CACNA1C: variants seen among roughly 807,000 people sequenced by gnomAD.
The protein encoded by CACNA1C is calcium voltage-gated channel subunit alpha1 C.
A neutral mutation model predicts 229.0 loss-of-function variants in CACNA1C; 30 were observed. The observed-to-expected ratio is 0.13, with a 90% CI of 0.10 to 0.18. CACNA1C has a LOEUF of 0.18. CACNA1C is among the 10% of genes least tolerant of loss of function. The pLI is 1.00. For synonymous variants in CACNA1C, 1,114 were observed against 1,132.5 expected (o/e 0.98, Z 0.33); for missense variants, 1,658 against 2,845.0 (o/e 0.58, Z 9.49).
At chr12:2,380,922 C>G (rs2098226377) in intron 3 of CACNA1C, among the ~76,000 whole-genome samples, 1 of 152,198 alleles carries the variant, frequency 6.6e-6, no homozygotes, top group Non-Finnish European at 1.5e-5. Flanking sequence ...ACGGAAGGTG[C>G]AACCTCCTTC....
At chr12:2,418,601 A>T (rs577820865) in intron 3 of CACNA1C, among the ~76,000 whole-genome samples, 1 of 151,968 alleles carries the variant, frequency 6.6e-6, no homozygotes, top group Non-Finnish European at 1.5e-5. Flanking sequence ...GTTATGTTCC[A>T]GTTATGCACC....
chr12:2,032,136 G>C (rs557980640), intron 1 of CACNA1C, among the ~76,000 whole-genome samples: 1 of 152,212 alleles, frequency 6.6e-6, no homozygotes, highest in African/African-American at 2.4e-5. Flanking sequence ...CGGCAGTCTC[G>C]GTAACCGGAG....
intron 1 of CACNA1C, among the ~76,000 whole-genome samples, chr12:1,981,142 T>C (rs1159722396): frequency 6.6e-6 from 1 of 152,152 alleles, no homozygotes; most frequent in Non-Finnish European, 1.5e-5. Flanking sequence ...TAGGAACTTG[T>C]AGGTAAATGT....
intron 3 of CACNA1C, among the ~76,000 whole-genome samples, chr12:2,182,131 C>CAA (rs56365126): frequency 8.3e-4 from 72 of 86,658 alleles, no homozygotes; most frequent in Admixed American, 1.8e-3. Context: ...TTTCTGTCTG[C>CAA]AAAAAAAAAA....
In CACNA1C at chr12:2,067,819, A is replaced by C. The variant is rs2059953997; in HGVS notation, c.49+14208A>C. Among the ~76,000 whole-genome samples, 1 of 152,132 alleles carries C rather than the reference A, an allele frequency of 6.6e-6. No individual in the cohort carries two copies. Reference sequence around the variant, plus strand: ...TGCCAACCTCAGCGCACTCACCTGGAGAATACTTACCTTCACACTGTTCCC... The same window carrying C: ...TGCCAACCTCAGCGCACTCACCTGGCGAATACTTACCTTCACACTGTTCCC... On this transcript the variant is annotated intron_variant, in intron 1 of 46. Coordinates refer to ENST00000399655, the MANE Select transcript of CACNA1C (RefSeq NM_000719.7). The surrounding 1 kb of genome is among the most constrained non-coding windows in gnomAD (Gnocchi z 5.3).
At chr12:2,304,249 G>A (rs1222850388) in intron 3 of CACNA1C, among the ~76,000 whole-genome samples, 1 of 152,152 alleles carries the variant, frequency 6.6e-6, no homozygotes, top group Non-Finnish European at 1.5e-5. Flanking sequence ...TGTGAGGCGA[G>A]GTGGAGGGCT....
At chr12:2,448,752 A>C (rs553532931) in intron 3 of CACNA1C, among the ~76,000 whole-genome samples, 2 of 120,758 alleles carry the variant, frequency 1.7e-5, no homozygotes, top group African/African-American at 2.9e-5. Flanking sequence ...TCATGGGGGA[A>C]CTTTGATGCA....
At chr12:2,620,960 T>G (rs1405829226) in intron 29 of CACNA1C, among the ~76,000 whole-genome samples, 1 of 152,148 alleles carries the variant, frequency 6.6e-6, no homozygotes, top group Non-Finnish European at 1.5e-5. Context: ...ACCATTGAGC[T>G]TCCATCAGTG....
At chr12:2,531,140 A>T (rs2099840051) in intron 9 of CACNA1C, among the ~76,000 whole-genome samples, 1 of 152,162 alleles carries the variant, frequency 6.6e-6, no homozygotes, top group Non-Finnish European at 1.5e-5. Flanking sequence ...CTCACTTCAC[A>T]TTTTCAGATG....
At chr12:2,250,672 G>A (rs1019098455) in intron 3 of CACNA1C, among the ~76,000 whole-genome samples, 5 of 152,178 alleles carry the variant, frequency 3.3e-5, no homozygotes, top group African/African-American at 1.2e-4. Flanking sequence ...ACCCCAGCCG[G>A]CCCTCCTGAC....
At chr12:2,044,101 A>G (rs573176506) in intron 1 of CACNA1C, among the ~76,000 whole-genome samples, 1 of 152,384 alleles carries the variant, frequency 6.6e-6, no homozygotes, top group East Asian at 1.9e-4. Flanking sequence ...AAAAATCATT[A>G]TGTAAGCAGG....
chr12:2,249,049 A>G (rs2074489592), intron 3 of CACNA1C, among the ~76,000 whole-genome samples: 1 of 152,180 alleles, frequency 6.6e-6, no homozygotes, highest in Non-Finnish European at 1.5e-5. Context: ...GTCACGTTTC[A>G]TTTCTAGCGT....
At chr12:2,055,534 C>A (rs1265448516) in intron 1 of CACNA1C, among the ~76,000 whole-genome samples, 1 of 152,150 alleles carries the variant, frequency 6.6e-6, no homozygotes, top group Non-Finnish European at 1.5e-5. Flanking sequence ...TTTTCTTTGG[C>A]CCCTTTGCCT....
chr12:2,369,719 T>C (rs985671936), intron 3 of CACNA1C, among the ~76,000 whole-genome samples: 7 of 152,154 alleles, frequency 4.6e-5, no homozygotes, highest in Non-Finnish European at 8.8e-5. Context: ...ACCTATCTTA[T>C]ACATTTAGAC....
chr12:2,232,972 T>A (rs1255787170), intron 3 of CACNA1C, among the ~76,000 whole-genome samples: 1 of 152,228 alleles, frequency 6.6e-6, no homozygotes, highest in Admixed American at 6.5e-5. Flanking sequence ...GACCACAAGA[T>A]ATTCCAGGCA....
At chr12:2,420,483 G>C (rs891590664) in intron 3 of CACNA1C, among the ~76,000 whole-genome samples, 1 of 152,202 alleles carries the variant, frequency 6.6e-6, no homozygotes, top group East Asian at 1.9e-4. Context: ...CCTGCATGCT[G>C]TAACTGGTCA....
At chr12:2,273,679 A>AG (rs1233774287) in intron 3 of CACNA1C, among the ~76,000 whole-genome samples, 1 of 152,200 alleles carries the variant, frequency 6.6e-6, no homozygotes, top group Non-Finnish European at 1.5e-5. Flanking sequence ...AGATAGACGG[A>AG]GGGGTGTTCA....
chr12:2,674,152 C>T (rs970759941), intron 38 of CACNA1C, among the ~76,000 whole-genome samples: 4 of 152,192 alleles, frequency 2.6e-5, no homozygotes, highest in African/African-American at 7.2e-5. Context: ...CCCCACTGCC[C>T]GTGGCAGGGC....
At chr12:2,450,379 C>T (rs930109112) in intron 4 of CACNA1C, among the ~76,000 whole-genome samples, 7 of 151,592 alleles carry the variant, frequency 4.6e-5, no homozygotes, top group East Asian at 2.0e-4. Context: ...ACGGTGAAAC[C>T]CCGTCTCTAC....
Sources: allele counts gnomAD v4.1 joint callset (sites outside exome capture counted in the v4.1 genomes callset), GRCh38; gene constraint gnomAD v4.1.1; non-coding constraint Gnocchi (gnomAD v3.1); transcripts MANE v1.5; gene names NCBI Gene and HGNC (gene_info 2026-07-23, HGNC 2026-07-21).